DLGAP1: variants seen among roughly 807,000 people sequenced by gnomAD.
The protein encoded by DLGAP1 is DLG associated protein 1.
Under a neutral mutation model 90.8 loss-of-function variants are expected in DLGAP1, and 11 were observed. That is an observed-to-expected ratio of 0.12 (90% CI 0.08 to 0.20). The LOEUF (loss-of-function observed/expected upper bound fraction) is 0.20. Ranked by LOEUF, DLGAP1 falls within the 10% of genes least tolerant of loss-of-function variation. The pLI is 1.00. For synonymous variants in DLGAP1, 558 were observed against 540.7 expected (o/e 1.03, Z -0.44); for missense variants, 1,050 against 1,333.8 (o/e 0.79, Z 3.31).
intron 7 of DLGAP1, among the ~76,000 whole-genome samples, chr18:3,612,221 C>A (rs897167071): frequency 5.9e-5 from 9 of 152,028 alleles, no homozygotes; most frequent in Admixed American, 5.2e-4. Context: ...GTTCAGGAGG[C>A]CGACCTTGAT....
chr18:4,186,864 C>T (rs1242081261), intron 1 of DLGAP1, among the ~76,000 whole-genome samples: 3 of 152,220 alleles, frequency 2.0e-5, no homozygotes, highest in African/African-American at 7.2e-5. Flanking sequence ...TCAGTATGGC[C>T]ATTTTAATGA....
intron 3 of DLGAP1, among the ~76,000 whole-genome samples, chr18:3,992,070 G>A (rs1334968110): frequency 6.6e-6 from 1 of 152,132 alleles, no homozygotes; most frequent in African/African-American, 2.4e-5. Flanking sequence ...GACAGTATGT[G>A]CAGAAAAATG....
chr18:3,826,208 C>G (rs991776467), intron 4 of DLGAP1, among the ~76,000 whole-genome samples: 1 of 152,074 alleles, frequency 6.6e-6, no homozygotes, highest in Non-Finnish European at 1.5e-5. Flanking sequence ...TCAATAGAAG[C>G]CCAAATCTCA....
chr18:4,357,157 CT>C (rs554248097), intron 1 of DLGAP1, among the ~76,000 whole-genome samples: 2,772 of 108,572 alleles, frequency 0.026, 18 homozygotes, highest in Non-Finnish European at 0.037. Flanking sequence ...TGTTTTTTTC[CT>C]TTTTTTTTTT....
At chr18:3,733,116 C>T (rs1324143234) in intron 6 of DLGAP1, among the ~76,000 whole-genome samples, 2 of 152,132 alleles carry the variant, frequency 1.3e-5, no homozygotes, top group Non-Finnish European at 2.9e-5. Flanking sequence ...CTACCCCTGC[C>T]CACATATGAT....
Position 4,286,971 on chromosome 18 carries a change from T to C in DLGAP1, c.-266-135684A>G, listed in dbSNP as rs535461895. Among the ~76,000 whole-genome samples, 71 of 152,194 alleles carry C rather than the reference T, an allele frequency of 4.7e-4. 1 individual carries two copies. The highest frequency in any genetic ancestry group is 1.7e-3 in the African/African-American group (69 of 41,512). ...CTTCAGACTCAAGAGCAGGACAAAT[T>C]TGAGGCCATGAAGAGGTGCCTGTTA... On this transcript the variant is annotated intron_variant, in intron 1 of 12. Transcript: ENST00000315677.
chr18:3,836,593 C>T (rs1395453762), intron 4 of DLGAP1, among the ~76,000 whole-genome samples: 3 of 152,156 alleles, frequency 2.0e-5, no homozygotes. Context: ...TAGGATGTGA[C>T]TTGAATACCT....
At chr18:4,109,626 TTTCCTGAGCCC>T (rs1452917438) in intron 2 of DLGAP1, among the ~76,000 whole-genome samples, 1 of 152,086 alleles carries the variant, frequency 6.6e-6, no homozygotes, top group African/African-American at 2.4e-5. Flanking sequence ...CAGTGGGGGC[TTTCCTGAGCCC>T]CTGCTCCTGA....
chr18:4,038,190 C>G (rs2074920068), intron 2 of DLGAP1, among the ~76,000 whole-genome samples: 1 of 152,178 alleles, frequency 6.6e-6, no homozygotes. Context: ...AGGCAAAAGA[C>G]TTGATAACAC....
intron 2 of DLGAP1, among the ~76,000 whole-genome samples, chr18:4,061,021 C>T (rs192324610): frequency 1.1e-4 from 16 of 152,162 alleles, no homozygotes; most frequent in African/African-American, 3.6e-4. Context: ...GGCCTGGGGA[C>T]ATATAAAGCT....
chr18:3,562,980 C>A (rs2054227921), intron 9 of DLGAP1, among the ~76,000 whole-genome samples: 1 of 152,036 alleles, frequency 6.6e-6, no homozygotes, highest in African/African-American at 2.4e-5. Context: ...AGGCATGCAC[C>A]ACAGCCAGAT....
chr18:3,703,953 C>T (rs539773960), intron 7 of DLGAP1, among the ~76,000 whole-genome samples: 45 of 152,282 alleles, frequency 3.0e-4, no homozygotes, highest in Non-Finnish European at 5.3e-4. Flanking sequence ...CTTGACAGTT[C>T]CCAGAGCAGC....
chr18:3,624,466 A>C (rs2146079539), intron 7 of DLGAP1, among the ~76,000 whole-genome samples: 1 of 152,306 alleles, frequency 6.6e-6, no homozygotes, highest in Admixed American at 6.5e-5. Flanking sequence ...CAGGAAACCA[A>C]AAGGGCTGGG....
At chr18:4,073,324 C>T (rs6506174) in intron 2 of DLGAP1, among the ~76,000 whole-genome samples, 123,132 of 152,114 alleles carry the variant, frequency 0.81, 50,110 homozygotes, top group East Asian at 0.94. Context: ...TAAAAATCTA[C>T]GCAAGCCCTA....
chr18:3,969,192 C>T (rs543165635), intron 3 of DLGAP1, among the ~76,000 whole-genome samples: 6 of 152,224 alleles, frequency 3.9e-5, no homozygotes, highest in East Asian at 3.9e-4. Flanking sequence ...TCAAACTATG[C>T]GAACTTCCAT....
At chr18:3,800,525 G>A (rs1051696255) in intron 5 of DLGAP1, among the ~76,000 whole-genome samples, 2 of 152,156 alleles carry the variant, frequency 1.3e-5, no homozygotes, top group African/African-American at 4.8e-5. Context: ...AGTGAAAAGA[G>A]CAAATTGTAG....
chr18:4,007,300 G>A lies in DLGAP1; in HGVS notation c.-158-2099C>T, dbSNP rs368202416. On this transcript the variant is annotated intron_variant, in intron 2 of 12. Transcript: ENST00000315677. The stretch of plus-strand genomic sequence containing the variant: ...TGGCTGAAGAGTGAGTGACCCTTAA[G>A]GGAGCATTTGAGTTCCAACCCCCAC... Among the ~76,000 whole-genome samples, 47 of 152,168 alleles carry A rather than the reference G, an allele frequency of 3.1e-4. 3 individuals are homozygous for A. In the South Asian group the frequency reaches 3.9e-3, roughly 13 times the overall value.
chr18:3,950,352 A>C (rs926452847), intron 3 of DLGAP1, among the ~76,000 whole-genome samples: 1 of 152,234 alleles, frequency 6.6e-6, no homozygotes, highest in Non-Finnish European at 1.5e-5. Flanking sequence ...ATCTTGAGCC[A>C]GTTAGCACCT....
intron 7 of DLGAP1, among the ~76,000 whole-genome samples, chr18:3,661,571 C>CTTTTTT (rs10549959): frequency 2.3e-4 from 29 of 125,264 alleles, no homozygotes; most frequent in African/African-American, 8.0e-4. Flanking sequence ...GCTGTAAGGT[C>CTTTTTT]TTTTTTTTTT....
Sources: gnomAD v4.1 joint callset for allele counts (sites outside exome capture counted in the v4.1 genomes callset) on GRCh38, gnomAD v4.1.1 for gene constraint, MANE v1.5 for transcripts, NCBI Gene and HGNC (gene_info 2026-07-23, HGNC 2026-07-21) for gene names.